The following EYS variants were observed in gnomAD, a reference collection of about 807,000 sequenced individuals.
The protein encoded by EYS is protein eyes shut homolog.
A neutral mutation model predicts 282.1 loss-of-function variants in EYS; 250 were observed. That is an observed-to-expected ratio of 0.89 (90% CI 0.80 to 0.98). EYS has a LOEUF of 0.98. Ranked by LOEUF, EYS falls within the 50% of genes least tolerant of loss-of-function variation. The pLI, the probability that EYS is intolerant of heterozygous loss-of-function variation, is 0.00. For synonymous variants in EYS, 1,355 were observed against 1,282.9 expected, an observed-to-expected ratio of 1.06 and a Z score of -1.20; for missense variants, 4,016 against 3,709.0, an observed-to-expected ratio of 1.08 and a Z score of -2.15.
chr6:64,410,975 A>T (rs1273235982), intron 28 of EYS, among the ~76,000 whole-genome samples: 1 of 152,148 alleles, frequency 6.6e-6, no homozygotes, highest in Non-Finnish European at 1.5e-5. Context: ...GGTTTTAACT[A>T]CCAGCATAAA....
intron 5 of EYS, among the ~76,000 whole-genome samples, chr6:65,416,692 G>A (rs1218377270): frequency 6.6e-6 from 1 of 151,916 alleles, no homozygotes; most frequent in East Asian, 1.9e-4. Context: ...AATTTCCGAA[G>A]CAATTCTGTG....
Position 64,591,972 on chromosome 6 carries a change from T to C in EYS, c.3895A>G (p.Ile1299Val). ...PVDQGPKQTG[I>V]VKHDILPTTG... is the part of the protein sequence containing the mutation. ...GTTGGGAGAATGTCGTGCTTGACAA[T>C]GCCTGTCTGTTTTGGACCTACAAAA... The change falls in exon 26 of 43, where the codon ATT (isoleucine) becomes GTT (valine). Residue 1299 changes from isoleucine (I) to valine (V), a missense_variant. Coordinates refer to ENST00000503581, the MANE Select transcript of EYS (RefSeq NM_001142800.2). The C allele has an allele frequency of 1.3e-6, 2 of 1,493,988 alleles. No homozygotes were observed. Among genetic ancestry groups the C allele is most frequent in the Non-Finnish European group, 1.8e-6 (2 of 1,119,652 alleles). 92.5% of individuals were successfully genotyped at this position (1,493,988 alleles called of 1,614,324 possible).
chr6:64,520,537 A>T (rs901746725), intron 26 of EYS, among the ~76,000 whole-genome samples: 2 of 151,666 alleles, frequency 1.3e-5, no homozygotes, highest in Non-Finnish European at 2.9e-5. Flanking sequence ...TTTGATTATA[A>T]TATTGAGTTG....
intron 22 of EYS, among the ~76,000 whole-genome samples, chr6:64,709,590 A>T (rs992346982): frequency 6.6e-6 from 1 of 152,176 alleles, no homozygotes; most frequent in African/African-American, 2.4e-5. Context: ...TACCATAATC[A>T]CTTCTAGGTG....
At chr6:65,065,575 C>CG (rs1282184123) in intron 12 of EYS, among the ~76,000 whole-genome samples, 1 of 151,342 alleles carries the variant, frequency 6.6e-6, no homozygotes, top group Admixed American at 6.6e-5. Flanking sequence ...CTAGTAGAGA[C>CG]GGGGTTTCAC....
intron 13 of EYS, among the ~76,000 whole-genome samples, chr6:65,054,864 G>T (rs1773369053): frequency 6.6e-6 from 1 of 152,068 alleles, no homozygotes; most frequent in Non-Finnish European, 1.5e-5. Context: ...TTTAGTATAT[G>T]AAGGTTAAAA....
At chr6:63,939,606 T>C (rs975508520) in intron 35 of EYS, among the ~76,000 whole-genome samples, 2 of 152,048 alleles carry the variant, frequency 1.3e-5, no homozygotes, top group Admixed American at 6.5e-5. Context: ...ACTACATGGG[T>C]TCACTTATAT....
At chr6:63,831,537 C>G (rs900191851) in intron 36 of EYS, among the ~76,000 whole-genome samples, 1 of 152,150 alleles carries the variant, frequency 6.6e-6, no homozygotes, top group Admixed American at 6.5e-5. Context: ...TATATATGCA[C>G]CCAATACAGG....
intron 19 of EYS, among the ~76,000 whole-genome samples, chr6:64,862,685 A>ATTT (rs142710649): frequency 1.3e-5 from 2 of 151,868 alleles, no homozygotes; most frequent in East Asian, 1.9e-4. Flanking sequence ...AATTATTATT[A>ATTT]TTTTTTTGCA....
chr6:64,505,866 T>C (rs1437745790), intron 26 of EYS, among the ~76,000 whole-genome samples: 2 of 152,196 alleles, frequency 1.3e-5, no homozygotes, highest in Non-Finnish European at 2.9e-5. Flanking sequence ...ATAGAAATAA[T>C]AATAACCTAA....
At chr6:63,967,988 G>A (rs1766384820) in intron 35 of EYS, among the ~76,000 whole-genome samples, 1 of 152,126 alleles carries the variant, frequency 6.6e-6, no homozygotes, top group African/African-American at 2.4e-5. Context: ...TCACTCAACA[G>A]TGTTTGATAA....
At chr6:63,740,245 GTCTT>G (rs1376907839) in intron 41 of EYS, among the ~76,000 whole-genome samples, 2 of 152,132 alleles carry the variant, frequency 1.3e-5, no homozygotes, top group African/African-American at 2.4e-5. Flanking sequence ...ATGGGGGCAG[GTCTT>G]TCCTGTGCTG....
chr6:63,763,185 G>A (rs904558342), intron 40 of EYS, among the ~76,000 whole-genome samples: 2 of 152,026 alleles, frequency 1.3e-5, no homozygotes, highest in Admixed American at 6.6e-5. Context: ...TTGACCAAGA[G>A]GTGTCCCTCT....
At chr6:65,052,103 A>G (rs1163145020) in intron 13 of EYS, among the ~76,000 whole-genome samples, 1 of 151,502 alleles carries the variant, frequency 6.6e-6, no homozygotes, top group East Asian at 1.9e-4. Context: ...CTGATTGGGT[A>G]AGGGTTGCCT....
chr6:64,689,218 A>G (rs7744713), intron 22 of EYS, among the ~76,000 whole-genome samples: 225 of 152,290 alleles, frequency 1.5e-3, no homozygotes, highest in African/African-American at 4.9e-3. Flanking sequence ...ACTCCCATTC[A>G]CAATTGCTTC....
intron 41 of EYS, among the ~76,000 whole-genome samples, chr6:63,762,022 A>G (rs1408249382): frequency 6.6e-6 from 1 of 151,980 alleles, no homozygotes; most frequent in Non-Finnish European, 1.5e-5. Context: ...TACTGTTACT[A>G]CTTGACTTGG....
chr6:64,468,289 A>G (rs1317438803), intron 26 of EYS, among the ~76,000 whole-genome samples: 1 of 152,238 alleles, frequency 6.6e-6, no homozygotes, highest in Non-Finnish European at 1.5e-5. Flanking sequence ...TAAAGAACTC[A>G]CACGAAGATT....
intron 31 of EYS, among the ~76,000 whole-genome samples, chr6:64,212,347 A>C (rs1765805825): frequency 6.6e-6 from 1 of 152,024 alleles, no homozygotes; most frequent in Non-Finnish European, 1.5e-5. Context: ...CAAATAAATT[A>C]ATACAAAGAA....
chr6:64,394,432 G>A (rs539503058), intron 28 of EYS, among the ~76,000 whole-genome samples: 2 of 152,230 alleles, frequency 1.3e-5, no homozygotes, highest in African/African-American at 4.8e-5. Flanking sequence ...ACCAAACAGA[G>A]ATATAGATCA....
Sources: allele counts gnomAD v4.1 joint callset (sites outside exome capture counted in the v4.1 genomes callset), GRCh38; gene constraint gnomAD v4.1.1; transcripts MANE v1.5; gene names NCBI Gene and HGNC (gene_info 2026-07-23, HGNC 2026-07-21).